RIC1: variants seen among roughly 807,000 people sequenced by gnomAD.
The protein encoded by RIC1 is RIC1 partner of RAB6A GEF complex.
Under a neutral mutation model 169.0 loss-of-function variants are expected in RIC1, and 88 were observed. That is an observed-to-expected ratio of 0.52 (90% confidence interval 0.44 to 0.62). The LOEUF is 0.62. RIC1 is among the 20% of genes least tolerant of loss of function. The probability of loss-of-function intolerance (pLI) is 0.00; values close to 1 mark genes in which losing one functional copy is unlikely to be tolerated. For synonymous variants in RIC1, 790 were observed against 601.5 expected, an observed-to-expected ratio of 1.31 and a Z score of -4.59; for missense variants, 1,877 against 1,725.5, an observed-to-expected ratio of 1.09 and a Z score of -1.56.
intron 18 of RIC1, 127 bp downstream of exon 18, chr9:5,762,787 G>A: frequency 8.2e-7 from 1 of 1,221,804 alleles, no homozygotes; most frequent in Non-Finnish European, 1.1e-6. Context: ...CATAAAATCA[G>A]TCTTAAGCCT....
intron 3 of RIC1, among the ~76,000 whole-genome samples, chr9:5,700,873 TCACAAA>T (rs1822171440): frequency 6.6e-6 from 1 of 152,244 alleles, no homozygotes; most frequent in African/African-American, 2.4e-5. Context: ...CCATGTAGTT[TCACAAA>T]GACAACTGCA....
Position 5,664,318 on chromosome 9 carries a change from CAGG to C in RIC1, c.252+7631_252+7633del, listed in dbSNP as rs576940617. On this transcript the variant is annotated intron_variant, in intron 2 of 25. Transcript: ENST00000414202. ...GTCCCAGCTACTCAGGAGGCTGAGG[CAGG>C]AGAATTGCTTGAACCCAGAAGGCAG... Among the ~76,000 whole-genome samples the C allele has an allele frequency of 6.5e-3, 993 of 152,002 alleles. 9 individuals carry two copies. The highest frequency in any genetic ancestry group is 0.01 in the Non-Finnish European group (695 of 67,968).
intron 15 of RIC1, among the ~76,000 whole-genome samples, chr9:5,755,186 AT>A (rs1825934313): frequency 6.6e-6 from 1 of 152,186 alleles, no homozygotes; most frequent in African/African-American, 2.4e-5. Flanking sequence ...GAGTTTGAAA[AT>A]AAAGAGTTAA....
At chr9:5,721,183 T>C (rs191733413) in intron 6 of RIC1, among the ~76,000 whole-genome samples, 3 of 152,346 alleles carry the variant, frequency 2.0e-5, no homozygotes, top group Admixed American at 6.5e-5. Flanking sequence ...TGATTTTGAT[T>C]AGGTTACTAT....
chr9:5,698,900 G>C (rs778275191), intron 3 of RIC1, among the ~76,000 whole-genome samples: 25 of 152,122 alleles, frequency 1.6e-4, no homozygotes, highest in Non-Finnish European at 3.7e-4. Flanking sequence ...TTAACTGCGA[G>C]GTTTTAGAGT....
chr9:5,772,480 C>G, intron 23 of RIC1, 84 bp from the exon 24 acceptor site: 1 of 1,116,422 alleles, frequency 9.0e-7, no homozygotes, highest in Non-Finnish European at 1.3e-6. Flanking sequence ...AAATCAACAT[C>G]TGAGGAACAG....
chr9:5,630,386 C>G (rs1414128679), intron 1 of RIC1, among the ~76,000 whole-genome samples: 1 of 152,200 alleles, frequency 6.6e-6, no homozygotes. Flanking sequence ...AAGTTTTTCT[C>G]CTTTCCAAGT....
At chr9:5,725,771 T>C (rs1823936315) in intron 6 of RIC1, among the ~76,000 whole-genome samples, 1 of 152,178 alleles carries the variant, frequency 6.6e-6, no homozygotes, top group South Asian at 2.1e-4. Context: ...TTTGTTCTCG[T>C]TGGTTTCAAA....
At position 5,703,666 on chromosome 9, in the gene RIC1, T is replaced by C. The variant is rs530138389; in HGVS notation, c.333-10230T>C. 2.6e-5 allele frequency among the ~76,000 whole-genome samples: 4 copies of C among 152,374 alleles called. No individual in the cohort carries two copies. In the East Asian group the frequency reaches 5.8e-4, roughly 22 times the overall value. On this transcript the variant is annotated intron_variant, in intron 3 of 25. Transcript: ENST00000414202. ...TACCTTTTGTGTCTTCTTAATGTAA[T>C]GTTTTCAAGGTTAATTCGTGTTTTA...
At chr9:5,750,100 G>A (rs1349732355) in intron 12 of RIC1, among the ~76,000 whole-genome samples, 1 of 150,662 alleles carries the variant, frequency 6.6e-6, no homozygotes, top group Non-Finnish European at 1.5e-5. Flanking sequence ...GCAAGCACCA[G>A]CCAAGGTGCT....
chr9:5,770,379 G>A (rs1403060585), intron 23 of RIC1, 101 bp downstream of exon 23: 2 of 1,066,422 alleles, frequency 1.9e-6, no homozygotes, highest in East Asian at 2.5e-5. Context: ...TATCGTGATG[G>A]AGGATTAACC....
intron 2 of RIC1, among the ~76,000 whole-genome samples, chr9:5,666,181 C>G (rs7849484): frequency 6.6e-6 from 1 of 152,192 alleles, no homozygotes; most frequent in East Asian, 1.9e-4. Context: ...TGAGGTCTCA[C>G]GTAAAGAAGC....
intron 2 of RIC1, among the ~76,000 whole-genome samples, chr9:5,667,513 T>TG (rs1819845883): frequency 6.6e-6 from 1 of 151,554 alleles, no homozygotes; most frequent in African/African-American, 2.4e-5. Flanking sequence ...CCTTTTTTTT[T>TG]TTTTTTTTTG....
chr9:5,743,864 G>A, intron 10 of RIC1, 127 bp downstream of exon 10: 1 of 685,664 alleles, frequency 1.5e-6, no homozygotes. Context: ...AGGTTGGAGA[G>A]CAGTGGCAGA....
chr9:5,748,862 T>C (rs1825547661), intron 12 of RIC1: 1 of 152,250 alleles, frequency 6.6e-6, no homozygotes. Flanking sequence ...GGACTTTGGG[T>C]ACTAGCAAGA....
chr9:5,776,879 G>A (rs1484063968), downstream of RIC1, among the ~76,000 whole-genome samples: 4 of 152,038 alleles, frequency 2.6e-5, no homozygotes, highest in African/African-American at 9.7e-5. Flanking sequence ...GAACCTAGGC[G>A]TCATTTCTAA....
intron 3 of RIC1, among the ~76,000 whole-genome samples, chr9:5,706,384 G>A (rs149991568): frequency 5.9e-5 from 9 of 152,242 alleles, no homozygotes; most frequent in African/African-American, 1.7e-4. Context: ...CCAGGGAGTC[G>A]GAGGTTGCGG....
intron 17 of RIC1, among the ~76,000 whole-genome samples, chr9:5,761,104 C>CATT (rs1174592787): frequency 1.1e-5 from 1 of 94,666 alleles, no homozygotes; most frequent in African/African-American, 4.2e-5. Context: ...CCAGCCTCAC[C>CATT]TTTTTTTTTT....
At chr9:5,729,377 T>A (rs958480) in intron 6 of RIC1, among the ~76,000 whole-genome samples, 67,067 of 151,906 alleles carry the variant, frequency 0.44, 15,907 homozygotes, top group East Asian at 0.85. Context: ...CCACTTCTAC[T>A]ACATTTAATT....
Sources: gnomAD v4.1 joint callset for allele counts (sites outside exome capture counted in the v4.1 genomes callset) on GRCh38, gnomAD v4.1.1 for gene constraint, MANE v1.5 for transcripts, NCBI Gene and HGNC (gene_info 2026-07-23, HGNC 2026-07-21) for gene names.